The following SORT1 variants were observed in gnomAD, a reference collection of about 807,000 sequenced individuals.
The protein encoded by SORT1 is sortilin 1, also known as sortilin.
Under a neutral mutation model 101.7 loss-of-function variants are expected in SORT1, and 39 were observed. The ratio of observed to expected loss-of-function variants is 0.38; its 90% confidence interval spans 0.30 to 0.50. SORT1 has a LOEUF of 0.50. SORT1 is among the 20% of genes least tolerant of loss of function. The pLI is 0.90. For missense variants in SORT1, 878 were observed against 1,040.4 expected (o/e 0.84, Z 2.15); for synonymous variants, 396 against 393.7 (o/e 1.01, Z -0.07).
At chr1:109,361,964 C>T (rs905763683) in intron 3 of SORT1, among the ~76,000 whole-genome samples, 1 of 152,022 alleles carries the variant, frequency 6.6e-6, no homozygotes, top group African/African-American at 2.4e-5. Context: ...TAGGTTTTTG[C>T]AAGTTTATGC....
intron 9 of SORT1, 147 bp from the exon 10 acceptor site, chr1:109,341,026 T>C (rs568003486): frequency 3.2e-6 from 2 of 630,100 alleles, no homozygotes; most frequent in South Asian, 4.2e-5. Flanking sequence ...TGAGAATTAA[T>C]CAAGGTTTGA....
intron 5 of SORT1, 146 bp downstream of exon 5, chr1:109,354,221 A>G (rs1184500747): frequency 1.7e-6 from 1 of 581,796 alleles, no homozygotes; most frequent in Non-Finnish European, 2.8e-6. Context: ...AAATAGGAAA[A>G]AACGTCAAAA....
rs748795403 is a variant in SORT1, at chr1:109,313,191, T to G, written c.*852A>C. On this transcript the variant is annotated 3_prime_UTR_variant, in exon 20 of 20. Coordinates refer to ENST00000256637, the MANE Select transcript of SORT1 (RefSeq NM_002959.7). The stretch of plus-strand genomic sequence containing the variant: ...CTGGGCAGACTTCCAGCTAAGTTTG[T>G]ACCCTGTCCTTGCGTAAGTCTACTG... 6 of 152,640 alleles carry G rather than the reference T, an allele frequency of 3.9e-5. No homozygotes were observed. Among genetic ancestry groups the G allele is most frequent in the Middle Eastern group, 6.8e-3 (2 of 294 alleles). 9.5% of individuals were successfully genotyped at this position (152,640 alleles called of 1,614,324 possible). A position where few individuals can be genotyped will look rare whatever the true frequency, so the allele number is the denominator to read the frequency against.
At chr1:109,335,730 G>C (rs1648770288) in intron 11 of SORT1, among the ~76,000 whole-genome samples, 1 of 152,042 alleles carries the variant, frequency 6.6e-6, no homozygotes. Context: ...CACCTGCGTA[G>C]TTCCGGTTCC....
intron 3 of SORT1, 124 bp from the exon 4 acceptor site, chr1:109,355,593 C>T: frequency 3.5e-6 from 2 of 570,886 alleles, no homozygotes. Flanking sequence ...CCCTGAATAG[C>T]CACATTCCTA....
chr1:109,372,610 A>T (rs1477627356), intron 1 of SORT1, among the ~76,000 whole-genome samples: 1 of 152,108 alleles, frequency 6.6e-6, no homozygotes, highest in African/African-American at 2.4e-5. Flanking sequence ...TAAAAAACAA[A>T]ACAAAACAAA....
intron 1 of SORT1, among the ~76,000 whole-genome samples, chr1:109,390,771 A>ATATGTGTG (rs1553201565): frequency 6.9e-6 from 1 of 145,618 alleles, no homozygotes; most frequent in East Asian, 2.0e-4. Context: ...GTGTGTGTGT[A>ATATGTGTG]TGTGTGTGTG....
At chr1:109,397,471 G>T (rs563741687) in intron 1 of SORT1, 116 bp downstream of exon 1, 2 of 699,910 alleles carry the variant, frequency 2.9e-6, no homozygotes, top group Admixed American at 5.8e-5. Flanking sequence ...CGGCCCGGGG[G>T]ACGCGGGCGC....
chr1:109,394,746 T>G (rs904998416), intron 1 of SORT1, among the ~76,000 whole-genome samples: 1 of 152,206 alleles, frequency 6.6e-6, no homozygotes, highest in Non-Finnish European at 1.5e-5. Context: ...GGCATTCACA[T>G]ACATTGATGA....
At chr1:109,318,006 G>T in intron 15 of SORT1, 37 bp from the exon 16 acceptor site, 2 of 1,331,736 alleles carry the variant, frequency 1.5e-6, no homozygotes, top group African/African-American at 1.4e-5. Context: ...TTTCAAAGCA[G>T]CTGGAAGACC....
chr1:109,342,000 T>G lies in SORT1; in HGVS notation c.1108+14A>C, dbSNP rs1178736995. 1 of 1,612,278 alleles carries G rather than the reference T, an allele frequency of 6.2e-7. No homozygotes were observed. Among genetic ancestry groups the G allele is most frequent in the Non-Finnish European group, 8.5e-7 (1 of 1,179,090 alleles). On this transcript the variant is annotated intron_variant, in intron 9 of 19. Transcript: ENST00000256637. ...CTCTATGCTTTTAAGGGTAAGCCAC[T>G]AAAAAGCTCTTACCTCCAGGTTCAT...
At chr1:109,334,306 G>C (rs1325086416) in intron 11 of SORT1, among the ~76,000 whole-genome samples, 1 of 152,118 alleles carries the variant, frequency 6.6e-6, no homozygotes, top group Non-Finnish European at 1.5e-5. Flanking sequence ...ATCAACCTAA[G>C]CGTCTACAGA....
At position 109,397,806 on chromosome 1, in the gene SORT1, C is replaced by T; in HGVS notation, c.87G>A (p.Pro29=). 3 of 1,276,326 alleles carry T rather than the reference C, an allele frequency of 2.4e-6. No individual in the cohort carries two copies. The highest frequency in any genetic ancestry group is 3.0e-6 in the Non-Finnish European group (3 of 1,003,380). The allele number at this position is 1,276,326 out of a possible 1,614,324, so 79.1% of individuals were successfully genotyped here. ...CCAGCCGGTCCTGGCTGAGGGTCGACGGCGGCAGCAGCTGCAGGAGGAGGA... is the reference window on the plus strand; with the variant it reads ...CCAGCCGGTCCTGGCTGAGGGTCGATGGCGGCAGCAGCTGCAGGAGGAGGA... ...GLLLLLQLLP[P]STLSQDRLDA... The change falls in exon 1 of 20, where the codon CCG becomes CCA. Residue 29 remains proline (P), a synonymous_variant. Transcript: ENST00000256637.
intron 9 of SORT1, among the ~76,000 whole-genome samples, chr1:109,341,474 G>C (rs754499078): frequency 1.3e-5 from 2 of 152,000 alleles, no homozygotes; most frequent in Non-Finnish European, 2.9e-5. Context: ...AGCCTCCTGA[G>C]TAGCTGGGAC....
Position 109,357,563 on chromosome 1 carries a change from T to C in SORT1, c.441-2094A>G, listed in dbSNP as rs551719549. ...TTTAGCCCTAAACTGGAGATAACTTTTAATTATCTGTGAGGATTTTTTCCC... is the reference window on the plus strand; with the variant it reads ...TTTAGCCCTAAACTGGAGATAACTTCTAATTATCTGTGAGGATTTTTTCCC... On this transcript the variant is annotated intron_variant, in intron 3 of 19. Transcript: ENST00000256637. Among the ~76,000 whole-genome samples, 5 of 152,362 alleles carry C rather than the reference T, an allele frequency of 3.3e-5. No homozygotes were observed. In the East Asian group the frequency reaches 7.7e-4, roughly 23 times the overall value.
At chr1:109,362,441 C>G (rs1045121726) in intron 3 of SORT1, among the ~76,000 whole-genome samples, 3 of 152,106 alleles carry the variant, frequency 2.0e-5, no homozygotes, top group Non-Finnish European at 4.4e-5. Context: ...TAATCATGGA[C>G]CTGAAACTAC....
At chr1:109,347,351 T>C in intron 7 of SORT1, 132 bp downstream of exon 7, 1 of 620,844 alleles carries the variant, frequency 1.6e-6, no homozygotes. Context: ...TAATAACCAC[T>C]AACAGCTTTC....
At chr1:109,340,967 G>T in intron 9 of SORT1, 88 bp from the exon 10 acceptor site, 1 of 1,059,226 alleles carries the variant, frequency 9.4e-7, no homozygotes, top group Non-Finnish European at 1.4e-6. Context: ...TTACCTGCCT[G>T]ACCAAACACA....
intron 3 of SORT1, among the ~76,000 whole-genome samples, chr1:109,360,137 C>T (rs1270216699): frequency 6.6e-6 from 1 of 152,168 alleles, no homozygotes; most frequent in East Asian, 1.9e-4. Context: ...CCACCTCGGC[C>T]TCCCAAAGGC....
Sources: allele counts gnomAD v4.1 joint callset (sites outside exome capture counted in the v4.1 genomes callset), GRCh38; gene constraint gnomAD v4.1.1; transcripts MANE v1.5; gene names NCBI Gene and HGNC (gene_info 2026-07-23, HGNC 2026-07-21).